The following SLC38A3 variants were observed in gnomAD, a reference collection of about 807,000 sequenced individuals.
SLC38A3 encodes the protein solute carrier family 38 member 3.
Under a neutral mutation model 59.5 loss-of-function variants are expected in SLC38A3, and 17 were observed. That is an observed-to-expected ratio of 0.29 (90% CI 0.20 to 0.43). SLC38A3 has a LOEUF of 0.43. SLC38A3 is among the 20% of genes least tolerant of loss of function. The pLI, the probability that SLC38A3 is intolerant of heterozygous loss-of-function variation, is 1.00. For synonymous variants in SLC38A3, 238 were observed against 260.3 expected (o/e 0.91, Z 0.82); for missense variants, 454 against 653.9 (o/e 0.69, Z 3.33).
intron 1 of SLC38A3, among the ~76,000 whole-genome samples, chr3:50,211,409 C>T (rs1445230707): frequency 6.6e-6 from 1 of 152,196 alleles, no homozygotes; most frequent in Non-Finnish European, 1.5e-5. Context: ...AACCTTCCTT[C>T]AACGCTTACA....
chr3:50,220,017 T>C, intron 15 of SLC38A3, 33 bp downstream of exon 15: 1 of 1,604,202 alleles, frequency 6.2e-7, no homozygotes, highest in Non-Finnish European at 8.5e-7. Context: ...TGGGCTGGTA[T>C]GGGGCTAAGG....
intron 1 of SLC38A3, among the ~76,000 whole-genome samples, chr3:50,212,661 G>A (rs1215546398): frequency 6.6e-6 from 1 of 152,192 alleles, no homozygotes; most frequent in Non-Finnish European, 1.5e-5. Flanking sequence ...CTGGGGCAGT[G>A]CAGGGAGGGA....
Position 50,221,399 on chromosome 3 carries a change from A to G in SLC38A3, c.*1222A>G, listed in dbSNP as rs1294573192. 6.6e-6 allele frequency: 1 copy of G among 152,258 alleles called. No homozygotes were observed. The highest frequency in any genetic ancestry group is 2.4e-5 in the African/African-American group (1 of 41,456). 9.4% of individuals were successfully genotyped at this position (152,258 alleles called of 1,614,324 possible). On this transcript the variant is annotated 3_prime_UTR_variant, in exon 16 of 16. Coordinates refer to ENST00000614032, the MANE Select transcript of SLC38A3 (RefSeq NM_006841.6). ...AGGCTGCCATGTCAACTCTCTGTCA[A>G]TGCCCTGAGTCTGGGGACAAAAGTC...
rs1699800627 is a variant in SLC38A3 at position 50,215,260 on chromosome 3, G to A, written c.300-126G>A. 2.5e-6 allele frequency: 2 copies of A among 792,500 alleles called. No individual in the cohort carries two copies. Among genetic ancestry groups the A allele is most frequent in the Non-Finnish European group, 4.3e-6 (2 of 465,106 alleles). 49.1% of individuals were successfully genotyped at this position (792,500 alleles called of 1,614,324 possible). ...GCCTGCTGAGCTGGCATCCATACCTGTTGGGAGTCCAGACACCCAGGTCAC... is the reference window on the plus strand; with the variant it reads ...GCCTGCTGAGCTGGCATCCATACCTATTGGGAGTCCAGACACCCAGGTCAC... On this transcript the variant is annotated intron_variant, in intron 4 of 15. Coordinates refer to ENST00000614032, the MANE Select transcript of SLC38A3 (RefSeq NM_006841.6). The surrounding 1 kb of genome is among the most constrained non-coding windows in gnomAD (Gnocchi z 7.1).
Position 50,215,546 on chromosome 3 carries a change from A to G in SLC38A3, c.376A>G (p.Ile126Val). 1.2e-6 allele frequency: 2 copies of G among 1,613,846 alleles called. No homozygotes were observed. The highest frequency in any genetic ancestry group is 1.7e-6 in the Non-Finnish European group (2 of 1,179,872). Residue 126 changes from isoleucine to valine, a missense_variant and splice_region_variant, in exon 6 of 16, where the codon ATC (isoleucine) becomes GTC (valine). Physicochemically the swap from Ile to Val is conservative, Grantham distance 29. Coordinates refer to ENST00000614032, the MANE Select transcript of SLC38A3 (RefSeq NM_006841.6). This position sits in a 1 kb window ranked among gnomAD's most constrained non-coding sequence, Gnocchi z 7.1. ...LLLKSSGVVG[I>V]RAYEQLGYRA... ...ACTTCTTGACCCTGCTCCTGCAGGCATCCGTGCCTATGAGCAGCTGGGCTA... is the reference window on the plus strand; with the variant it reads ...ACTTCTTGACCCTGCTCCTGCAGGCGTCCGTGCCTATGAGCAGCTGGGCTA...
Position 50,215,866 on chromosome 3 carries a change from G to T in SLC38A3, c.548+45G>T. On this transcript the variant is annotated intron_variant, in intron 7 of 15. Transcript: ENST00000614032. The surrounding 1 kb of genome is among the most constrained non-coding windows in gnomAD (Gnocchi z 7.1). ...GGGGAGGGGAGGGGTGCGGTGCAGT[G>T]AGGAGGGGTGGGGTGGGGTGGGGCT... 1 of 749,588 alleles carries T rather than the reference G, an allele frequency of 1.3e-6. No homozygotes were observed. The highest frequency in any genetic ancestry group is 2.3e-6 in the Non-Finnish European group (1 of 439,262). The allele number at this position is 749,588 out of a possible 1,614,324, so 46.4% of individuals were successfully genotyped here.
intron 7 of SLC38A3, among the ~76,000 whole-genome samples, chr3:50,216,232 G>A (rs1202553979): frequency 1.3e-5 from 2 of 152,226 alleles, no homozygotes; most frequent in African/African-American, 2.4e-5. Context: ...GCATTGACTG[G>A]GCATCAAACG....
chr3:50,214,802 G>A lies in SLC38A3; in HGVS notation c.299+34G>A. 7.1e-7 allele frequency: 1 copy of A among 1,413,536 alleles called. No individual in the cohort carries two copies. The highest frequency in any genetic ancestry group is 9.8e-7 in the Non-Finnish European group (1 of 1,017,514). The allele number at this position is 1,413,536 out of a possible 1,614,324, so 87.6% of individuals were successfully genotyped here. A position where few individuals can be genotyped will look rare whatever the true frequency, so the allele number is the denominator to read the frequency against. ...CCTCAGAGAAACTTCTAAAGATAGG[G>A]GCCCTAAGCAAGCCACCAATCATGA... On this transcript the variant is annotated intron_variant, in intron 4 of 15. Transcript: ENST00000614032. The surrounding 1 kb of genome is among the most constrained non-coding windows in gnomAD (Gnocchi z 6.0).
rs1441921676 is a variant in SLC38A3, at chr3:50,218,401, G to A, written c.1036+31G>A. 1 of 1,564,154 alleles carries A rather than the reference G, an allele frequency of 6.4e-7. No homozygotes were observed. The highest frequency in any genetic ancestry group is 2.2e-5 in the East Asian group (1 of 44,614). ...GTGGCACCGGTGGGCAGAGGCCTAGGCTAGGCTGGGGGGAAGGGGCTGGTT... is the reference window on the plus strand; with the variant it reads ...GTGGCACCGGTGGGCAGAGGCCTAGACTAGGCTGGGGGGAAGGGGCTGGTT... On this transcript the variant is annotated intron_variant, in intron 12 of 15. Transcript: ENST00000614032. The surrounding 1 kb of genome is among the most constrained non-coding windows in gnomAD (Gnocchi z 5.8).
rs186736917 is a variant in SLC38A3 at position 50,208,873 on chromosome 3, A to C, written c.-52+3525A>C. Among the ~76,000 whole-genome samples, 4 of 151,820 alleles carry C rather than the reference A, an allele frequency of 2.6e-5. No individual in the cohort carries two copies. The South Asian group carries it at 8.3e-4, about 31-fold the overall frequency. ...TTCTCTCCCTGCTCTGTCCCTGTCT[A>C]TCTCTCTTCCCTCCCTCTGCCTTTT... On this transcript the variant is annotated intron_variant, in intron 1 of 15. Coordinates refer to ENST00000614032, the MANE Select transcript of SLC38A3 (RefSeq NM_006841.6).
Position 50,218,801 on chromosome 3 carries a change from C to A in SLC38A3, c.1162-3C>A. ...CTGATGATTCTTCTCACCTGCCCCC[C>A]AGGTGCGCCGCGCCATCCAGCAGAT... is the stretch of plus-strand genomic sequence containing the variant. On this transcript the variant is annotated splice_polypyrimidine_tract_variant and splice_region_variant and intron_variant, in intron 13 of 15. Coordinates refer to ENST00000614032, the MANE Select transcript of SLC38A3 (RefSeq NM_006841.6). The surrounding 1 kb of genome is among the most constrained non-coding windows in gnomAD (Gnocchi z 5.8). The A allele has an allele frequency of 6.2e-7, 1 of 1,604,716 alleles. No individual in the cohort carries two copies. Among genetic ancestry groups the A allele is most frequent in the Non-Finnish European group, 8.5e-7 (1 of 1,172,066 alleles).
At chr3:50,207,173 G>A (rs902731864) in intron 1 of SLC38A3, among the ~76,000 whole-genome samples, 4 of 152,246 alleles carry the variant, frequency 2.6e-5, no homozygotes, top group Non-Finnish European at 5.9e-5. Flanking sequence ...AGCTGAGGTG[G>A]AATGTGCAGT....
Position 50,210,129 on chromosome 3 carries a change from C to G in SLC38A3, c.-51-4020C>G, listed in dbSNP as rs185090661. Among the ~76,000 whole-genome samples the G allele has an allele frequency of 2.6e-5, 4 of 152,268 alleles. No individual in the cohort carries two copies. In the East Asian group the frequency reaches 7.7e-4, roughly 29 times the overall value. On this transcript the variant is annotated intron_variant, in intron 1 of 15. Transcript: ENST00000614032. ...CCATTGGATCTGGTTTCCCCCCTTA[C>G]TAACACCTTCTCCTAGTAGGGGGCA...
At chr3:50,210,068 A>G (rs891990791) in intron 1 of SLC38A3, among the ~76,000 whole-genome samples, 1 of 152,086 alleles carries the variant, frequency 6.6e-6, no homozygotes, top group African/African-American at 2.4e-5. Flanking sequence ...ACCAATTCCT[A>G]TGGCTGTGCC....
intron 1 of SLC38A3, among the ~76,000 whole-genome samples, chr3:50,211,038 A>G (rs567395613): frequency 6.6e-6 from 1 of 152,160 alleles, no homozygotes; most frequent in Non-Finnish European, 1.5e-5. Context: ...TGAGCTGGGG[A>G]GTACCCTGCC....
Position 50,218,809 on chromosome 3 carries a change from C to T in SLC38A3, c.1167C>T (p.Arg389=), listed in dbSNP as rs751525065. The T allele has an allele frequency of 3.1e-6, 5 of 1,607,018 alleles. No homozygotes were observed. The highest frequency in any genetic ancestry group is 4.3e-6 in the Non-Finnish European group (5 of 1,174,086). ...LTVPIVLFPV[R]RAIQQMLFPN... Reference sequence around the variant, plus strand: ...TCTTCTCACCTGCCCCCCAGGTGCGCCGCGCCATCCAGCAGATGCTGTTTC... The same window carrying T: ...TCTTCTCACCTGCCCCCCAGGTGCGTCGCGCCATCCAGCAGATGCTGTTTC... The change falls in exon 14 of 16, where the codon CGC becomes CGT. Residue 389 remains arginine, a synonymous_variant. Coordinates refer to ENST00000614032, the MANE Select transcript of SLC38A3 (RefSeq NM_006841.6). The surrounding 1 kb of genome is among the most constrained non-coding windows in gnomAD (Gnocchi z 5.8).
rs2109159145 is a variant in SLC38A3, at chr3:50,218,893, T to C, written c.1251T>C (p.Cys417=). The C allele has an allele frequency of 1.9e-6, 3 of 1,613,652 alleles. No individual in the cohort carries two copies. The highest frequency in any genetic ancestry group is 4.5e-5 in the East Asian group (2 of 44,868). The change falls in exon 14 of 16, where the codon TGT becomes TGC. Residue 417 remains cysteine, a synonymous_variant. Coordinates refer to ENST00000614032, the MANE Select transcript of SLC38A3 (RefSeq NM_006841.6). The surrounding 1 kb of genome is among the most constrained non-coding windows in gnomAD (Gnocchi z 5.8). The part of the protein sequence containing the change: ...HVLIAVGLLT[C]INLLVIFAPN... ...TTATTGCCGTTGGCCTGCTCACTTG[T>C]ATCAACCTGCTGGTCATCTTTGCCC... is the stretch of plus-strand genomic sequence containing the variant.
chr3:50,218,375 G>A lies in SLC38A3; in HGVS notation c.1036+5G>A, dbSNP rs1575427229. The A allele has an allele frequency of 2.5e-6, 4 of 1,593,368 alleles. No homozygotes were observed. Among genetic ancestry groups the A allele is most frequent in the Admixed American group, 1.7e-5 (1 of 60,002 alleles). ...TCGGCTACCTCACCTTCTACAGTAC[G>A]GTGGCACCGGTGGGCAGAGGCCTAG... On this transcript the variant is annotated splice_donor_5th_base_variant and intron_variant, in intron 12 of 15. Transcript: ENST00000614032. This position sits in a 1 kb window ranked among gnomAD's most constrained non-coding sequence, Gnocchi z 5.8.
At position 50,217,391 on chromosome 3, in the gene SLC38A3, C is replaced by T; in HGVS notation, c.632-24C>T. 2 of 1,612,546 alleles carry T rather than the reference C, an allele frequency of 1.2e-6. No individual in the cohort carries two copies. The highest frequency in any genetic ancestry group is 1.7e-6 in the Non-Finnish European group (2 of 1,179,228). ...ACACCATGGGAGGGGCCCCAGGTCT[C>T]AGAGTGCTCCCTCCACTTTGCAGGC... On this transcript the variant is annotated intron_variant, in intron 8 of 15. Transcript: ENST00000614032. The surrounding 1 kb of genome is among the most constrained non-coding windows in gnomAD (Gnocchi z 4.9).
Sources: gnomAD v4.1 joint callset for allele counts (sites outside exome capture counted in the v4.1 genomes callset) on GRCh38, gnomAD v4.1.1 for gene constraint, Gnocchi (gnomAD v3.1) non-coding constraint, MANE v1.5 for transcripts, NCBI Gene and HGNC (gene_info 2026-07-23, HGNC 2026-07-21) for gene names.